The following CLIP1 variants were observed in gnomAD, a reference collection of about 807,000 sequenced individuals.
The protein encoded by CLIP1 is CAP-Gly domain containing linker protein 1, also known as CAP-Gly domain-containing linker protein 1.
Under a neutral mutation model 161.6 loss-of-function variants are expected in CLIP1, and 66 were observed. The observed-to-expected ratio is 0.41, with a 90% CI of 0.33 to 0.50. The LOEUF (loss-of-function observed/expected upper bound fraction) is 0.50, where lower values mean the gene tolerates loss of function less well. Among genes scored for constraint, CLIP1 ranks in the 20% least tolerant of loss-of-function variants. The pLI is 0.27. For synonymous variants in CLIP1, 598 were observed against 626.2 expected (o/e 0.96, Z 0.67); for missense variants, 1,376 against 1,702.0 (o/e 0.81, Z 3.37).
At chr12:122,315,866 C>T (rs1951246176) in intron 19 of CLIP1, among the ~76,000 whole-genome samples, 1 of 151,990 alleles carries the variant, frequency 6.6e-6, no homozygotes, top group Non-Finnish European at 1.5e-5. Context: ...TGGTCTCAAT[C>T]TCCTGACTTC....
At chr12:122,321,895 T>A (rs186019579) in intron 17 of CLIP1, among the ~76,000 whole-genome samples, 1 of 152,320 alleles carries the variant, frequency 6.6e-6, no homozygotes, top group East Asian at 1.9e-4. Flanking sequence ...TATTCACAGT[T>A]TGCAATTTTT....
chr12:122,361,524 A>G (rs867054246), intron 4 of CLIP1, among the ~76,000 whole-genome samples: 4 of 152,250 alleles, frequency 2.6e-5, no homozygotes, highest in African/African-American at 4.8e-5. Flanking sequence ...CGTGCCAAAC[A>G]AAGGGAAAGG....
intron 1 of CLIP1, among the ~76,000 whole-genome samples, chr12:122,414,079 T>A (rs1386059051): frequency 6.6e-6 from 1 of 152,120 alleles, no homozygotes; most frequent in East Asian, 1.9e-4. Flanking sequence ...TTTTTATTTT[T>A]TAATTTTGAT....
In CLIP1 at chr12:122,334,681, C is replaced by T; in HGVS notation, c.2593G>A (p.Glu865Lys). 6.3e-7 allele frequency: 1 copy of T among 1,587,354 alleles called. No homozygotes were observed. Among genetic ancestry groups the T allele is most frequent in the Non-Finnish European group, 8.6e-7 (1 of 1,164,092 alleles). ...CTTCTCTGAACAGAGACTGCCTCCT[C>T]TGAAGCTTCAGCAAACTTTTCTTTC... ...ILKEKFAEASEEAVSVQRSMQ... is the reference protein window; with the variant it reads ...ILKEKFAEASKEAVSVQRSMQ... Residue 865 changes from glutamate (E) to lysine (K), a missense_variant, in exon 13 of 26, where the codon GAG becomes AAG. Physicochemically the swap from Glu to Lys is moderately conservative, Grantham distance 56. Transcript: ENST00000620786.
intron 21 of CLIP1, among the ~76,000 whole-genome samples, chr12:122,285,031 G>C (rs1478069870): frequency 6.6e-6 from 1 of 152,102 alleles, no homozygotes. Flanking sequence ...GTGCACTACA[G>C]CACTGAATAC....
chr12:122,316,154 A>T (rs917379608), intron 19 of CLIP1, among the ~76,000 whole-genome samples: 1 of 151,008 alleles, frequency 6.6e-6, no homozygotes. Context: ...GAAGTTCAAG[A>T]CCAAATGTTA....
intron 5 of CLIP1, among the ~76,000 whole-genome samples, chr12:122,360,632 A>AT (rs1194726560): frequency 6.6e-6 from 1 of 152,122 alleles, no homozygotes; most frequent in Non-Finnish European, 1.5e-5. Context: ...TGTTCCTATC[A>AT]TTTTGTCCTA....
intron 21 of CLIP1, among the ~76,000 whole-genome samples, chr12:122,286,226 AAG>A (rs1276786041): frequency 6.6e-6 from 1 of 152,100 alleles, no homozygotes; most frequent in African/African-American, 2.4e-5. Context: ...CACATTTTAA[AAG>A]AGCAGACAGG....
At chr12:122,412,063 T>C (rs1012018564) in intron 1 of CLIP1, among the ~76,000 whole-genome samples, 2 of 140,096 alleles carry the variant, frequency 1.4e-5, no homozygotes, top group African/African-American at 5.2e-5. Flanking sequence ...TTATTTTCTT[T>C]TTTTTTTTTT....
rs1424904094 is a variant in CLIP1, at chr12:122,271,951, GA to G, written c.*923del. On this transcript the variant is annotated 3_prime_UTR_variant, in exon 26 of 26. Transcript: ENST00000620786. The stretch of plus-strand genomic sequence containing the variant: ...GCCAGAGAAGGAAAAAAAAATTGGA[GA>G]AAATTCCTCCAGTTATTTAAATCTG... 4 of 152,534 alleles carry G rather than the reference GA, an allele frequency of 2.6e-5. No individual in the cohort carries two copies. Among genetic ancestry groups the G allele is most frequent in the African/African-American group, 7.2e-5 (3 of 41,420 alleles). 9.4% of individuals were successfully genotyped at this position (152,534 alleles called of 1,614,324 possible).
At chr12:122,342,489 G>A (rs1486543356) in intron 10 of CLIP1, 1 of 152,182 alleles carries the variant, frequency 6.6e-6, no homozygotes, top group African/African-American at 2.4e-5. Context: ...TGTGGTATAA[G>A]TGCAAAATAC....
intron 3 of CLIP1, among the ~76,000 whole-genome samples, chr12:122,371,987 G>GA (rs940177524): frequency 1.3e-4 from 20 of 151,060 alleles, no homozygotes; most frequent in African/African-American, 3.2e-4. Flanking sequence ...ACTGAAAAAT[G>GA]AAAAAAAAAC....
chr12:122,390,451 A>G (rs1217187356), intron 1 of CLIP1, among the ~76,000 whole-genome samples: 1 of 151,098 alleles, frequency 6.6e-6, no homozygotes, highest in Non-Finnish European at 1.5e-5. Context: ...AGCTGGGACT[A>G]CAGGTATGCG....
chr12:122,398,881 CTT>C (rs1334840629), intron 1 of CLIP1, among the ~76,000 whole-genome samples: 1 of 135,840 alleles, frequency 7.4e-6, no homozygotes, highest in South Asian at 2.4e-4. Context: ...AAAAAAGACA[CTT>C]ATTATAGAAA....
intron 4 of CLIP1, among the ~76,000 whole-genome samples, chr12:122,362,360 A>G (rs1054440576): frequency 2.0e-5 from 3 of 151,832 alleles, no homozygotes; most frequent in Non-Finnish European, 4.4e-5. Flanking sequence ...AGTTAAAAAA[A>G]AGAGGCCAGG....
At chr12:122,344,334 T>C (rs1330063661) in intron 10 of CLIP1, among the ~76,000 whole-genome samples, 2 of 152,202 alleles carry the variant, frequency 1.3e-5, no homozygotes, top group African/African-American at 4.8e-5. Context: ...TTAATTCATT[T>C]ACACATGATT....
intron 21 of CLIP1, among the ~76,000 whole-genome samples, chr12:122,285,186 G>A (rs928560521): frequency 2.0e-5 from 3 of 150,758 alleles, no homozygotes; most frequent in African/African-American, 7.3e-5. Flanking sequence ...AGATCAATTT[G>A]TGAATTATGA....
At chr12:122,310,951 G>C (rs1314922589) in intron 19 of CLIP1, among the ~76,000 whole-genome samples, 3 of 152,122 alleles carry the variant, frequency 2.0e-5, no homozygotes, top group African/African-American at 7.2e-5. Context: ...GGAAGACTTA[G>C]GGAAATAAAT....
intron 20 of CLIP1, among the ~76,000 whole-genome samples, chr12:122,300,674 C>T (rs908475484): frequency 1.3e-5 from 2 of 152,190 alleles, no homozygotes; most frequent in African/African-American, 4.8e-5. Flanking sequence ...AAGTGATTTT[C>T]CTGCCTCAGC....
Sources: gnomAD v4.1 joint callset for allele counts (sites outside exome capture counted in the v4.1 genomes callset) on GRCh38, gnomAD v4.1.1 for gene constraint, MANE v1.5 for transcripts, NCBI Gene and HGNC (gene_info 2026-07-23, HGNC 2026-07-21) for gene names.